Variants in ADD3 observed in about 807,000 individuals in gnomAD.
The protein encoded by ADD3 is adducin 3.
In ADD3, 25 loss-of-function variants were observed where a neutral mutation model predicts 80.2. The ratio of observed to expected loss-of-function variants is 0.31; its 90% confidence interval spans 0.23 to 0.44. ADD3 has a LOEUF of 0.44. Among genes scored for constraint, ADD3 ranks in the 20% least tolerant of loss-of-function variants. The probability of loss-of-function intolerance (pLI) is 1.00; values close to 1 mark genes in which losing one functional copy is unlikely to be tolerated. For synonymous variants in ADD3, 284 were observed against 289.6 expected (o/e 0.98, Z 0.20); for missense variants, 829 against 847.5 (o/e 0.98, Z 0.27).
chr10:110,049,838 G>C (rs976952986), intron 1 of ADD3, among the ~76,000 whole-genome samples: 1 of 148,380 alleles, frequency 6.7e-6, no homozygotes, highest in African/African-American at 2.5e-5. Flanking sequence ...AGTGAGCCGA[G>C]ATCGCGCCAC....
intron 8 of ADD3, 83 bp downstream of exon 8, chr10:110,119,647 A>G: frequency 5.9e-6 from 7 of 1,187,852 alleles, no homozygotes; most frequent in Non-Finnish European, 8.6e-6. Flanking sequence ...GCAAATACAT[A>G]TTAGTTAGTG....
intron 5 of ADD3, among the ~76,000 whole-genome samples, chr10:110,118,074 A>AC (rs1565014036): frequency 3.6e-5 from 5 of 138,864 alleles, no homozygotes; most frequent in Admixed American, 7.3e-5. Context: ...ACACACACAC[A>AC]ATGTTCATAG....
At chr10:110,048,311 G>A (rs1039550778) in intron 1 of ADD3, among the ~76,000 whole-genome samples, 1 of 152,150 alleles carries the variant, frequency 6.6e-6, no homozygotes, top group Non-Finnish European at 1.5e-5. Flanking sequence ...TTTATCAGCA[G>A]CATGAAAATG....
intron 9 of ADD3, 49 bp from the exon 10 acceptor site, chr10:110,123,968 G>A (rs764446615): frequency 1.0e-5 from 16 of 1,569,592 alleles, no homozygotes; most frequent in Non-Finnish European, 1.3e-5. Flanking sequence ...TCCAAATGCT[G>A]TTATTGATAC....
intron 1 of ADD3, among the ~76,000 whole-genome samples, chr10:110,025,981 C>T (rs1035968609): frequency 2.6e-5 from 4 of 151,998 alleles, no homozygotes; most frequent in African/African-American, 9.7e-5. Flanking sequence ...TTTCCAAAAT[C>T]TGTAATGTGT....
In ADD3 at chr10:110,012,331, C is replaced by T. The variant is rs1053639725; in HGVS notation, c.-30+4032C>T. On this transcript the variant is annotated intron_variant, in intron 1 of 14. Transcript: ENST00000356080. ...GTCTCAAAGTTCAAAATTGAATTGC[C>T]AGTTGAAAACATGTTAAATGTTAAG... Among the ~76,000 whole-genome samples, 2 of 152,248 alleles carry T rather than the reference C, an allele frequency of 1.3e-5. 1 individual carries two copies. The highest frequency in any genetic ancestry group is 4.1e-4 in the South Asian group (2 of 4,820).
chr10:110,099,417 C>T (rs944905265), intron 1 of ADD3, among the ~76,000 whole-genome samples: 2 of 152,118 alleles, frequency 1.3e-5, no homozygotes, highest in African/African-American at 4.8e-5. Context: ...CCGTTTCCTT[C>T]CTGACCATAA....
chr10:110,075,487 T>G, intron 1 of ADD3: 1 of 152,240 alleles, frequency 6.6e-6, no homozygotes, highest in Non-Finnish European at 1.5e-5. Context: ...GCAGTATCAA[T>G]TTTCAGTGGT....
At chr10:110,117,647 T>A (rs1850907698) in intron 5 of ADD3, among the ~76,000 whole-genome samples, 1 of 149,056 alleles carries the variant, frequency 6.7e-6, no homozygotes, top group African/African-American at 2.6e-5. Context: ...CTTGTCTATG[T>A]TTTGAAGGGA....
intron 1 of ADD3, among the ~76,000 whole-genome samples, chr10:110,039,849 C>G (rs1462004419): frequency 1.3e-5 from 2 of 152,188 alleles, no homozygotes; most frequent in African/African-American, 4.8e-5. Flanking sequence ...TCCTCATGAG[C>G]TTATGGTGGA....
At chr10:110,036,375 CTTT>C (rs551028000) in intron 1 of ADD3, among the ~76,000 whole-genome samples, 1 of 116,794 alleles carries the variant, frequency 8.6e-6, no homozygotes, top group Non-Finnish European at 1.7e-5. Flanking sequence ...TAGAAAGTGT[CTTT>C]TTTTTTTTTT....
chr10:110,116,270 G>C lies in ADD3; in HGVS notation c.346G>C (p.Val116Leu). Residue 116 changes from valine to leucine, a missense_variant, in exon 4 of 15, where the codon GTC becomes CTC. Coordinates refer to ENST00000356080, the MANE Select transcript of ADD3 (RefSeq NM_016824.5). ...TTTTGCTCTTTTAGGTCTTGGCATG[G>C]TCACACCTATCAATGACCTTCCTGG... ...FSSPPLSLGM[V>L]TPINDLPGAD... is the part of the protein sequence containing the mutation. The C allele has an allele frequency of 6.2e-7, 1 of 1,613,956 alleles. No homozygotes were observed. Among genetic ancestry groups the C allele is most frequent in the Non-Finnish European group, 8.5e-7 (1 of 1,179,936 alleles).
In ADD3 at chr10:110,091,008, C is replaced by A. The variant is rs561550365; in HGVS notation, c.-29-9617C>A. On this transcript the variant is annotated intron_variant, in intron 1 of 14. Transcript: ENST00000356080. ...ATTTCAAAAGAACAAAAACGGGGTT[C>A]AGGAATTTAAGAATAATACGGATCA... 3.3e-5 allele frequency among the ~76,000 whole-genome samples: 5 copies of A among 152,226 alleles called. No homozygotes were observed. The East Asian group carries it at 9.6e-4, about 29-fold the overall frequency.
chr10:110,079,453 AGAGAGAGAGTGTGTGT>A (rs1007756163), intron 1 of ADD3, among the ~76,000 whole-genome samples: 8 of 132,910 alleles, frequency 6.0e-5, no homozygotes, highest in Admixed American at 3.6e-4. Context: ...AGAGAGAGAG[AGAGAGAGAGTGTGTGT>A]GTGTGTGTGT....
At position 110,134,525 on chromosome 10, in the gene ADD3, T is replaced by G. The variant is rs1853454083; in HGVS notation, c.*907T>G. 6.6e-6 allele frequency: 1 copy of G among 152,446 alleles called. No homozygotes were observed. The highest frequency in any genetic ancestry group is 2.4e-5 in the African/African-American group (1 of 41,444). The allele number at this position is 152,446 out of a possible 1,614,324, so 9.4% of individuals were successfully genotyped here. A position where few individuals can be genotyped will look rare whatever the true frequency, so the allele number is the denominator to read the frequency against. On this transcript the variant is annotated 3_prime_UTR_variant, in exon 15 of 15. Coordinates refer to ENST00000356080, the MANE Select transcript of ADD3 (RefSeq NM_016824.5). ...TAGAGCATGTAAAGGTACATCTAGA[T>G]TCATATTTGAATCTTAAACTGTATT...
chr10:110,096,529 A>G (rs982337967), intron 1 of ADD3, among the ~76,000 whole-genome samples: 2 of 152,166 alleles, frequency 1.3e-5, no homozygotes, highest in African/African-American at 4.8e-5. Context: ...ATGATTCTGT[A>G]TGTTGACTGA....
chr10:110,016,149 G>T (rs35096721), intron 1 of ADD3, among the ~76,000 whole-genome samples: 3 of 151,982 alleles, frequency 2.0e-5, no homozygotes, highest in Non-Finnish European at 4.4e-5. Flanking sequence ...AATGTAACAG[G>T]ACATACTTCT....
intron 1 of ADD3, among the ~76,000 whole-genome samples, chr10:110,046,301 T>C (rs929914201): frequency 1.3e-5 from 2 of 152,178 alleles, no homozygotes; most frequent in African/African-American, 4.8e-5. Context: ...CTTGCTTTAT[T>C]GTAGAGTACA....
intron 1 of ADD3, among the ~76,000 whole-genome samples, chr10:110,051,950 C>T (rs1857564032): frequency 6.6e-6 from 1 of 152,154 alleles, no homozygotes; most frequent in Non-Finnish European, 1.5e-5. Context: ...CACAGGCCCA[C>T]GCCATCATGG....
Sources: gnomAD v4.1 joint callset for allele counts (sites outside exome capture counted in the v4.1 genomes callset) on GRCh38, gnomAD v4.1.1 for gene constraint, MANE v1.5 for transcripts, NCBI Gene and HGNC (gene_info 2026-07-23, HGNC 2026-07-21) for gene names.